KCNQ5: variants seen among roughly 807,000 people sequenced by gnomAD.
KCNQ5 encodes the protein potassium voltage-gated channel subfamily Q member 5.
A neutral mutation model predicts 98.2 loss-of-function variants in KCNQ5; 30 were observed. The ratio of observed to expected loss-of-function variants is 0.31; its 90% CI spans 0.23 to 0.41. KCNQ5 has a LOEUF of 0.41. Ranked by LOEUF, KCNQ5 falls within the 10% of genes least tolerant of loss-of-function variation. The pLI is 1.00. For synonymous variants in KCNQ5, 458 were observed against 449.4 expected (o/e 1.02, Z -0.24); for missense variants, 835 against 1,182.5 (o/e 0.71, Z 4.31).
intron 1 of KCNQ5, among the ~76,000 whole-genome samples, chr6:72,975,694 A>G (rs1217174694): frequency 6.6e-6 from 1 of 152,194 alleles, no homozygotes; most frequent in Non-Finnish European, 1.5e-5. Flanking sequence ...TTTACTCAAG[A>G]AGATTTTGTT....
chr6:72,673,607 G>A (rs894870053), intron 1 of KCNQ5, among the ~76,000 whole-genome samples: 4 of 152,094 alleles, frequency 2.6e-5, no homozygotes, highest in Non-Finnish European at 4.4e-5. Flanking sequence ...GACCCATGGG[G>A]AGGAGTGGAG....
intron 1 of KCNQ5, among the ~76,000 whole-genome samples, chr6:72,754,358 G>A (rs1278508263): frequency 6.6e-6 from 1 of 152,068 alleles, no homozygotes; most frequent in Non-Finnish European, 1.5e-5. Flanking sequence ...AGCTCACTTG[G>A]TCATGATGTA....
At chr6:73,088,260 A>G (rs1400694988) in intron 5 of KCNQ5, among the ~76,000 whole-genome samples, 1 of 151,834 alleles carries the variant, frequency 6.6e-6, no homozygotes, top group Non-Finnish European at 1.5e-5. Context: ...GCCTCAGGTG[A>G]TCCACCTGCC....
At chr6:73,159,264 CAT>C (rs1178372640) in intron 10 of KCNQ5, among the ~76,000 whole-genome samples, 1 of 152,202 alleles carries the variant, frequency 6.6e-6, no homozygotes, top group Non-Finnish European at 1.5e-5. Context: ...CCAAATACCA[CAT>C]GTTCTCACTT....
intron 1 of KCNQ5, among the ~76,000 whole-genome samples, chr6:72,792,956 A>G (rs547329934): frequency 6.6e-6 from 1 of 152,202 alleles, no homozygotes; most frequent in African/African-American, 2.4e-5. Flanking sequence ...AAAAGTCTCC[A>G]TGGGAATAGA....
intron 8 of KCNQ5, among the ~76,000 whole-genome samples, chr6:73,121,263 C>T (rs995154884): frequency 1.3e-5 from 2 of 151,596 alleles, no homozygotes; most frequent in Admixed American, 6.6e-5. Flanking sequence ...TTACCTTTTA[C>T]CATGTGCCTA....
intron 1 of KCNQ5, among the ~76,000 whole-genome samples, chr6:72,840,226 G>T (rs546171210): frequency 1.3e-5 from 2 of 152,156 alleles, no homozygotes; most frequent in Admixed American, 6.5e-5. Flanking sequence ...ACATAGGAGT[G>T]CAGGTCTCTC....
intron 1 of KCNQ5, among the ~76,000 whole-genome samples, chr6:72,963,576 A>G: frequency 6.6e-6 from 1 of 152,340 alleles, no homozygotes; most frequent in Non-Finnish European, 1.5e-5. Flanking sequence ...AAATGATAGT[A>G]TAATAGAAAA....
At chr6:73,037,869 C>T (rs888314355) in intron 2 of KCNQ5, among the ~76,000 whole-genome samples, 3 of 151,984 alleles carry the variant, frequency 2.0e-5, no homozygotes, top group Admixed American at 2.0e-4. Context: ...CTGTGCATTT[C>T]CATATAAATT....
At chr6:73,131,525 A>G (rs543621759) in intron 9 of KCNQ5, among the ~76,000 whole-genome samples, 1 of 152,268 alleles carries the variant, frequency 6.6e-6, no homozygotes, top group Admixed American at 6.5e-5. Context: ...TGCTTCCTGA[A>G]CTAGATCATT....
At chr6:73,156,509 C>T (rs1431425395) in intron 10 of KCNQ5, among the ~76,000 whole-genome samples, 1 of 152,094 alleles carries the variant, frequency 6.6e-6, no homozygotes, top group Non-Finnish European at 1.5e-5. Context: ...CCTGTAGTCC[C>T]AGCTACTCTG....
intron 1 of KCNQ5, among the ~76,000 whole-genome samples, chr6:72,773,985 A>G (rs1773041935): frequency 6.6e-6 from 1 of 152,166 alleles, no homozygotes; most frequent in African/African-American, 2.4e-5. Flanking sequence ...TATTTATGAC[A>G]AAGATGACAC....
At chr6:73,047,939 C>A (rs1345997462) in intron 3 of KCNQ5, among the ~76,000 whole-genome samples, 1 of 152,086 alleles carries the variant, frequency 6.6e-6, no homozygotes, top group Admixed American at 6.5e-5. Context: ...AACAAAGAAG[C>A]AAAGGACTAC....
intron 1 of KCNQ5, among the ~76,000 whole-genome samples, chr6:72,878,419 G>A (rs1040653157): frequency 1.4e-5 from 2 of 140,586 alleles, no homozygotes; most frequent in East Asian, 4.1e-4. Context: ...AACCCCAGGA[G>A]GCTTTTTTTC....
chr6:73,008,519 G>C lies in KCNQ5; in HGVS notation c.489+4521G>C, dbSNP rs186397131. On this transcript the variant is annotated intron_variant, in intron 2 of 13. Transcript: ENST00000370398. Reference sequence around the variant, plus strand: ...CAAAAAAGTTATAAGAGATAAAGAAGGGCATTATATATTAATAAAAGGTTT... The same window carrying C: ...CAAAAAAGTTATAAGAGATAAAGAACGGCATTATATATTAATAAAAGGTTT... Among the ~76,000 whole-genome samples the C allele has an allele frequency of 1.0e-3, 154 of 152,096 alleles. 2 individuals are homozygous for C. In the South Asian group the frequency reaches 0.026, roughly 25 times the overall value.
intron 11 of KCNQ5, among the ~76,000 whole-genome samples, chr6:73,186,700 G>A (rs1023209042): frequency 1.3e-5 from 2 of 152,164 alleles, no homozygotes; most frequent in African/African-American, 4.8e-5. Flanking sequence ...GGTGAGGTTT[G>A]AGTACATATT....
At chr6:72,763,589 T>C (rs1161409382) in intron 1 of KCNQ5, among the ~76,000 whole-genome samples, 1 of 152,076 alleles carries the variant, frequency 6.6e-6, no homozygotes, top group Non-Finnish European at 1.5e-5. Context: ...AATACCTTAG[T>C]ATTTGAAAAT....
chr6:73,157,095 A>C (rs535337884), intron 10 of KCNQ5, among the ~76,000 whole-genome samples: 1 of 152,328 alleles, frequency 6.6e-6, no homozygotes, highest in Non-Finnish European at 1.5e-5. Context: ...GACAGCGTGA[A>C]AACAAACTGT....
intron 1 of KCNQ5, among the ~76,000 whole-genome samples, chr6:72,634,194 T>G (rs1367431851): frequency 6.6e-6 from 1 of 152,208 alleles, no homozygotes; most frequent in Non-Finnish European, 1.5e-5. Context: ...CAATAAATGT[T>G]TGTTGAATAA....
Sources: allele counts gnomAD v4.1 joint callset (sites outside exome capture counted in the v4.1 genomes callset), GRCh38; gene constraint gnomAD v4.1.1; transcripts MANE v1.5; gene names NCBI Gene and HGNC (gene_info 2026-07-23, HGNC 2026-07-21).